MBNL1: variants seen among roughly 807,000 people sequenced by gnomAD.
MBNL1 encodes muscleblind like splicing regulator 1.
A neutral mutation model predicts 42.2 loss-of-function variants in MBNL1; 8 were observed. That is an observed-to-expected ratio of 0.19 (90% CI 0.11 to 0.34). MBNL1 has a LOEUF of 0.34. MBNL1 is among the 10% of genes least tolerant of loss of function. The pLI is 1.00. For synonymous variants in MBNL1, 169 were observed against 173.9 expected, an observed-to-expected ratio of 0.97 and a Z score of 0.22; for missense variants, 309 against 495.3, an observed-to-expected ratio of 0.62 and a Z score of 3.57.
intron 2 of MBNL1, among the ~76,000 whole-genome samples, chr3:152,369,244 C>T (rs1248217146): frequency 6.6e-6 from 1 of 152,092 alleles, no homozygotes; most frequent in African/African-American, 2.4e-5. Context: ...TATTGAAGGC[C>T]TTTTCTGCAT....
intron 2 of MBNL1, 106 bp from the exon 3 acceptor site, chr3:152,414,835 G>A (rs2098669141): frequency 9.0e-6 from 10 of 1,112,140 alleles, no homozygotes; most frequent in Non-Finnish European, 1.2e-5. Flanking sequence ...TGCATTGTGT[G>A]AAAAACCAAT....
intron 1 of MBNL1, among the ~76,000 whole-genome samples, chr3:152,274,809 CCATGAAATATCAGCTGTTGCAG>C (rs1250486931): frequency 7.2e-5 from 11 of 151,768 alleles, no homozygotes; most frequent in African/African-American, 2.7e-4. Context: ...CTATTGAATA[CCATGAAATATCAGCTGTTGCAG>C]CCACTAAATA....
rs1468169777 is a variant in MBNL1, at chr3:152,465,370, T to C, written c.*3004T>C. 2.0e-5 allele frequency: 3 copies of C among 152,624 alleles called. No individual in the cohort carries two copies. Among genetic ancestry groups the C allele is most frequent in the African/African-American group, 7.2e-5 (3 of 41,470 alleles). 9.5% of individuals were successfully genotyped at this position (152,624 alleles called of 1,614,324 possible). A position where few individuals can be genotyped will look rare whatever the true frequency, so the allele number is the denominator to read the frequency against. ...AACAGCACACTGTAGCTATAGTTGT[T>C]ATGTGATTGTTTTTTAATTGCTGTA... On this transcript the variant is annotated 3_prime_UTR_variant, in exon 10 of 10. Transcript: ENST00000324210.
intron 2 of MBNL1, among the ~76,000 whole-genome samples, chr3:152,371,602 A>C (rs183545462): frequency 7.9e-4 from 120 of 152,104 alleles, no homozygotes; most frequent in African/African-American, 2.6e-3. Flanking sequence ...ATCTCACACA[A>C]AAAAAAGAAT....
At chr3:152,367,579 T>G (rs1188226175) in intron 2 of MBNL1, among the ~76,000 whole-genome samples, 1 of 152,216 alleles carries the variant, frequency 6.6e-6, no homozygotes, top group Non-Finnish European at 1.5e-5. Context: ...GTATTTCTGG[T>G]TCTAGATCCT....
At chr3:152,457,216 A>G (rs1407526550) in intron 8 of MBNL1, among the ~76,000 whole-genome samples, 1 of 152,232 alleles carries the variant, frequency 6.6e-6, no homozygotes, top group Non-Finnish European at 1.5e-5. Context: ...ATTTTCTAGA[A>G]AATACTGGTT....
intron 9 of MBNL1, 84 bp downstream of exon 9, chr3:152,459,429 C>A: frequency 1.7e-6 from 1 of 597,496 alleles, no homozygotes. Context: ...TAAAATTTTG[C>A]GAAATCTCTG....
chr3:152,349,364 A>G (rs1437755269), intron 2 of MBNL1, among the ~76,000 whole-genome samples: 1 of 152,110 alleles, frequency 6.6e-6, no homozygotes, highest in Non-Finnish European at 1.5e-5. Context: ...GAAAAAACTA[A>G]ACATCAGTGG....
intron 2 of MBNL1, among the ~76,000 whole-genome samples, chr3:152,324,678 T>G (rs1026322314): frequency 6.6e-6 from 1 of 152,194 alleles, no homozygotes. Context: ...TGTAGAATTT[T>G]ATTTCCAGAT....
chr3:152,404,663 T>G (rs567639010), intron 2 of MBNL1, among the ~76,000 whole-genome samples: 4 of 151,756 alleles, frequency 2.6e-5, no homozygotes, highest in South Asian at 4.2e-4. Context: ...TTTATATCTT[T>G]AATTTTATGT....
intron 3 of MBNL1, among the ~76,000 whole-genome samples, chr3:152,416,270 T>G (rs1461127733): frequency 6.6e-6 from 1 of 152,324 alleles, no homozygotes; most frequent in East Asian, 1.9e-4. Flanking sequence ...TTCTATACAG[T>G]TGAAGTGAGA....
chr3:152,364,992 C>T (rs1048162723), intron 2 of MBNL1, among the ~76,000 whole-genome samples: 1 of 151,910 alleles, frequency 6.6e-6, no homozygotes. Context: ...TCTATCTCAC[C>T]GAGTTGTCTT....
chr3:152,418,748 A>T (rs1429494269), intron 3 of MBNL1, among the ~76,000 whole-genome samples: 3 of 129,256 alleles, frequency 2.3e-5, no homozygotes, highest in Non-Finnish European at 3.1e-5. Context: ...ACAGAATCTC[A>T]CTCTGTTGCC....
intron 1 of MBNL1, among the ~76,000 whole-genome samples, chr3:152,292,372 T>C (rs1354420788): frequency 6.6e-6 from 1 of 152,242 alleles, no homozygotes; most frequent in Non-Finnish European, 1.5e-5. Context: ...GCCACTGGAA[T>C]TCTAATCTTT....
In MBNL1 at chr3:152,359,375, C is replaced by T. The variant is rs182375834; in HGVS notation, c.175-55566C>T. Among the ~76,000 whole-genome samples, 641 of 152,230 alleles carry T rather than the reference C, an allele frequency of 4.2e-3. 3 individuals carry two copies. Among genetic ancestry groups the T allele is most frequent in the Middle Eastern group, 0.014 (4 of 294 alleles). ...TCCATCTATTATTTATCACACAATT[C>T]TTAGTTGACTCCTGACTGTCTAGGT... On this transcript the variant is annotated intron_variant, in intron 2 of 9. Transcript: ENST00000324210.
Position 152,300,063 on chromosome 3 carries a change from A to G in MBNL1, c.-131A>G, listed in dbSNP as rs2060084515. ...TTTTCCATGTACTTTTAAAGCAGGG[A>G]GTGGGGAAAAGTATTTTGAGGGGAC... On this transcript the variant is annotated 5_prime_UTR_variant, in exon 2 of 10. Transcript: ENST00000324210. 5.5e-6 allele frequency: 3 copies of G among 547,034 alleles called. No individual in the cohort carries two copies. The South Asian group carries it at 8.4e-5, about 15-fold the overall frequency. The allele number at this position is 547,034 out of a possible 1,614,324, so 33.9% of individuals were successfully genotyped here. A position where few individuals can be genotyped will look rare whatever the true frequency, so the allele number is the denominator to read the frequency against.
intron 2 of MBNL1, among the ~76,000 whole-genome samples, chr3:152,392,258 C>T (rs1003972849): frequency 2.6e-5 from 4 of 152,070 alleles, no homozygotes; most frequent in Non-Finnish European, 4.4e-5. Context: ...TAACATTACA[C>T]ATAGGTTAAT....
At chr3:152,310,201 C>T (rs1340037494) in intron 2 of MBNL1, among the ~76,000 whole-genome samples, 1 of 152,172 alleles carries the variant, frequency 6.6e-6, no homozygotes, top group Non-Finnish European at 1.5e-5. Flanking sequence ...GAGATTTATA[C>T]TAAGCTCATC....
At chr3:152,375,014 C>CT (rs1013761762) in intron 2 of MBNL1, among the ~76,000 whole-genome samples, 2 of 151,862 alleles carry the variant, frequency 1.3e-5, no homozygotes, top group African/African-American at 2.4e-5. Context: ...TGCCTGTTTG[C>CT]TTTTTTTTCG....
Sources: gnomAD v4.1 joint callset for allele counts (sites outside exome capture counted in the v4.1 genomes callset) on GRCh38, gnomAD v4.1.1 for gene constraint, MANE v1.5 for transcripts, NCBI Gene and HGNC (gene_info 2026-07-23, HGNC 2026-07-21) for gene names.